Variants in R3HDM2 observed in about 807,000 individuals in gnomAD.
R3HDM2 encodes R3H domain containing 2, also known as R3H domain-containing protein 2.
Under a neutral mutation model 124.5 loss-of-function variants are expected in R3HDM2, and 38 were observed. The ratio of observed to expected loss-of-function variants is 0.31; its 90% CI spans 0.24 to 0.40. R3HDM2 has a LOEUF of 0.40. R3HDM2 is among the 10% of genes least tolerant of loss of function. R3HDM2 has a pLI of 1.00. For synonymous variants in R3HDM2, 391 were observed against 448.0 expected, an observed-to-expected ratio of 0.87 and a Z score of 1.61; for missense variants, 869 against 1,236.9, an observed-to-expected ratio of 0.70 and a Z score of 4.46.
At chr12:57,350,206 T>A (rs557407936) in intron 2 of R3HDM2, among the ~76,000 whole-genome samples, 1 of 151,976 alleles carries the variant, frequency 6.6e-6, no homozygotes, top group South Asian at 2.1e-4. Context: ...CAAGACTCTG[T>A]CTCAAACAAA....
chr12:57,413,999 C>T (rs2069285026), intron 1 of R3HDM2, among the ~76,000 whole-genome samples: 1 of 150,552 alleles, frequency 6.6e-6, no homozygotes, highest in African/African-American at 2.4e-5. Context: ...GCACACACCA[C>T]CATACCCAGC....
chr12:57,430,497 A>ACCCCCCCCCCCCCCCCC, intron 1 of R3HDM2: 3 of 381,596 alleles, frequency 7.9e-6, no homozygotes, highest in Non-Finnish European at 7.1e-6. Flanking sequence ...CTGCCCCCGC[A>ACCCCCCCCCCCCCCCCC]CCGCCGCCCT....
intron 14 of R3HDM2, among the ~76,000 whole-genome samples, chr12:57,275,546 G>A (rs1413425206): frequency 6.9e-6 from 1 of 144,980 alleles, no homozygotes; most frequent in Admixed American, 6.8e-5. Context: ...AAACCACAAA[G>A]TGGGAGAAAA....
chr12:57,317,431 C>A (rs11172160), intron 2 of R3HDM2, among the ~76,000 whole-genome samples: 1 of 151,614 alleles, frequency 6.6e-6, no homozygotes, highest in Non-Finnish European at 1.5e-5. Context: ...GCAATCCACC[C>A]GCCTTGGCCT....
chr12:57,350,123 T>C (rs546739137), intron 2 of R3HDM2, among the ~76,000 whole-genome samples: 2 of 152,040 alleles, frequency 1.3e-5, no homozygotes, highest in East Asian at 3.9e-4. Context: ...GGCAGGAGAA[T>C]CGCTTGAACC....
intron 2 of R3HDM2, among the ~76,000 whole-genome samples, chr12:57,388,244 C>G (rs186324877): frequency 1.3e-5 from 2 of 152,092 alleles, no homozygotes; most frequent in Non-Finnish European, 2.9e-5. Flanking sequence ...GGATTACAGG[C>G]GTGAGCCACC....
At chr12:57,360,945 G>C (rs1475705436) in intron 2 of R3HDM2, among the ~76,000 whole-genome samples, 2 of 151,378 alleles carry the variant, frequency 1.3e-5, no homozygotes, top group East Asian at 3.9e-4. Flanking sequence ...CCAGCTACTT[G>C]GGAGGCTGAG....
intron 2 of R3HDM2, among the ~76,000 whole-genome samples, chr12:57,368,296 C>T (rs758695447): frequency 6.6e-6 from 1 of 152,158 alleles, no homozygotes; most frequent in South Asian, 2.1e-4. Context: ...TAGTCCCCTT[C>T]CCCTTCCTCT....
Position 57,289,050 on chromosome 12 carries a change from G to A in R3HDM2, c.907-10C>T. The A allele has an allele frequency of 6.5e-7, 1 of 1,545,496 alleles. No individual in the cohort carries two copies. Among genetic ancestry groups the A allele is most frequent in the South Asian group, 1.2e-5 (1 of 83,910 alleles). On this transcript the variant is annotated splice_polypyrimidine_tract_variant and intron_variant, in intron 11 of 23. Coordinates refer to ENST00000402412, the MANE Select transcript of R3HDM2 (RefSeq NM_001394031.1). ...ATCCGTTCTGGCCAGTCTAGGTGAG[G>A]GGGAGAAAACGGAAAATAACTTATA...
chr12:57,352,859 T>C lies in R3HDM2; in HGVS notation c.-35-42396A>G, dbSNP rs1307004979. Among the ~76,000 whole-genome samples the C allele has an allele frequency of 4.6e-5, 7 of 152,066 alleles. No homozygotes were observed. In the South Asian group the frequency reaches 8.3e-4, roughly 18 times the overall value. On this transcript the variant is annotated intron_variant, in intron 2 of 23. Transcript: ENST00000402412. ...CAGATCAATGGGAAAAGAATAGAGATCCTGTACATGACCCAAAACTTGATT... is the reference window on the plus strand; with the variant it reads ...CAGATCAATGGGAAAAGAATAGAGACCCTGTACATGACCCAAAACTTGATT...
chr12:57,407,833 C>T (rs2068666306), intron 1 of R3HDM2, among the ~76,000 whole-genome samples: 1 of 152,142 alleles, frequency 6.6e-6, no homozygotes. Context: ...TGTAAAATCA[C>T]GGCTCACTGC....
intron 11 of R3HDM2, among the ~76,000 whole-genome samples, chr12:57,290,603 GCTA>G (rs1408245615): frequency 2.0e-5 from 3 of 152,042 alleles, no homozygotes; most frequent in African/African-American, 7.2e-5. Flanking sequence ...ATAAGTGCTT[GCTA>G]CTTTTTTTTA....
intron 19 of R3HDM2, among the ~76,000 whole-genome samples, chr12:57,264,368 C>T (rs1265630834): frequency 1.4e-5 from 2 of 143,032 alleles, no homozygotes; most frequent in Non-Finnish European, 3.0e-5. Context: ...ACAGCCTGGC[C>T]AACATGATGA....
chr12:57,282,490 A>T (rs1366479072), intron 13 of R3HDM2, among the ~76,000 whole-genome samples: 2 of 152,010 alleles, frequency 1.3e-5, no homozygotes, highest in Admixed American at 1.3e-4. Context: ...AGATTGGCAA[A>T]CTGGCTCTAA....
At chr12:57,411,944 C>G (rs1295748571) in intron 1 of R3HDM2, among the ~76,000 whole-genome samples, 1 of 152,152 alleles carries the variant, frequency 6.6e-6, no homozygotes, top group Non-Finnish European at 1.5e-5. Flanking sequence ...CTCACAAGAG[C>G]TGATGGTTTT....
chr12:57,400,280 G>T (rs868737235), intron 1 of R3HDM2, among the ~76,000 whole-genome samples: 1 of 152,134 alleles, frequency 6.6e-6, no homozygotes, highest in Non-Finnish European at 1.5e-5. Flanking sequence ...CATGTCCTTT[G>T]TAAGGACATC....
At chr12:57,334,598 G>A (rs988766735) in intron 2 of R3HDM2, among the ~76,000 whole-genome samples, 3 of 152,094 alleles carry the variant, frequency 2.0e-5, no homozygotes, top group African/African-American at 7.2e-5. Context: ...AATGGGGCAA[G>A]GAGTGAATAG....
intron 12 of R3HDM2, among the ~76,000 whole-genome samples, chr12:57,284,610 C>T (rs1276099847): frequency 6.6e-5 from 10 of 152,200 alleles, no homozygotes; most frequent in East Asian, 1.9e-4. Context: ...TAAAGGGGCA[C>T]TAACTATGGA....
intron 4 of R3HDM2, among the ~76,000 whole-genome samples, chr12:57,300,522 G>A (rs2050883070): frequency 6.6e-6 from 1 of 152,158 alleles, no homozygotes; most frequent in Non-Finnish European, 1.5e-5. Flanking sequence ...TAGCATAGTA[G>A]AAAGACAATG....
Sources: gnomAD v4.1 joint callset for allele counts (sites outside exome capture counted in the v4.1 genomes callset) on GRCh38, gnomAD v4.1.1 for gene constraint, MANE v1.5 for transcripts, NCBI Gene and HGNC (gene_info 2026-07-23, HGNC 2026-07-21) for gene names.